ARGLU1: variants seen among roughly 807,000 people sequenced by gnomAD.
The protein encoded by ARGLU1 is arginine and glutamate-rich protein 1.
Under a neutral mutation model 37.6 loss-of-function variants are expected in ARGLU1, and 9 were observed. The observed-to-expected ratio is 0.24, with a 90% confidence interval of 0.14 to 0.42. The LOEUF is 0.42. Ranked by LOEUF, ARGLU1 falls within the 10% of genes least tolerant of loss-of-function variation. ARGLU1 has a pLI of 1.00. For synonymous variants in ARGLU1, 166 were observed against 138.5 expected (o/e 1.20, Z -1.39); for missense variants, 211 against 359.2 (o/e 0.59, Z 3.34).
In ARGLU1 at chr13:106,567,764, C is replaced by A; in HGVS notation, c.156G>T (p.Arg52=). Residue 52 remains arginine (R), a synonymous_variant, in exon 1 of 4, where the codon CGG becomes CGT. Coordinates refer to ENST00000400198, the MANE Select transcript of ARGLU1 (RefSeq NM_018011.4). This position sits in a 1 kb window ranked among gnomAD's most constrained non-coding sequence, Gnocchi z 4.3. ...KSRESKRNRR[R]ESRSRSRSTN... ...TGGAGCGCGAACGGGACCGCGACTC[C>A]CGCCGCCGGTTCCGTTTACTTTCCC... The A allele has an allele frequency of 2.5e-6, 4 of 1,612,880 alleles. No homozygotes were observed. Among genetic ancestry groups the A allele is most frequent in the Non-Finnish European group, 3.4e-6 (4 of 1,179,512 alleles).
At position 106,542,002 on chromosome 13, in the gene ARGLU1, G is replaced by A. The variant is rs1026087190; in HGVS notation, c.*1994C>T. 1.3e-5 allele frequency: 2 copies of A among 152,008 alleles called. No individual in the cohort carries two copies. Among genetic ancestry groups the A allele is most frequent in the Non-Finnish European group, 2.9e-5 (2 of 67,998 alleles). 9.4% of individuals were successfully genotyped at this position (152,008 alleles called of 1,614,324 possible). ...ATCCTCTTTCCCATAGCCTGGCAGAGGAAAGTAGTTACCAAGCACAGGAAC... is the reference window on the plus strand; with the variant it reads ...ATCCTCTTTCCCATAGCCTGGCAGAAGAAAGTAGTTACCAAGCACAGGAAC... On this transcript the variant is annotated 3_prime_UTR_variant, in exon 4 of 4. Coordinates refer to ENST00000400198, the MANE Select transcript of ARGLU1 (RefSeq NM_018011.4).
intron 3 of ARGLU1, 128 bp from the exon 4 acceptor site, chr13:106,544,288 AAAC>A (rs1286705340): frequency 1.5e-5 from 10 of 689,240 alleles, no homozygotes; most frequent in Non-Finnish European, 2.2e-5. Context: ...AAGGGGGTAA[AAAC>A]AAGGACTTCC....
At chr13:106,566,412 C>A (rs1226662544) in intron 1 of ARGLU1, among the ~76,000 whole-genome samples, 1 of 152,160 alleles carries the variant, frequency 6.6e-6, no homozygotes, top group Non-Finnish European at 1.5e-5. Context: ...ATACTCGCCT[C>A]GAGAAAATCA....
chr13:106,563,443 C>A (rs1017173871), intron 1 of ARGLU1, among the ~76,000 whole-genome samples: 1 of 152,200 alleles, frequency 6.6e-6, no homozygotes, highest in South Asian at 2.1e-4. Flanking sequence ...CCACCCTACA[C>A]CGGTTTCTGC....
chr13:106,550,505 T>C (rs190766582), intron 3 of ARGLU1, among the ~76,000 whole-genome samples: 148 of 152,362 alleles, frequency 9.7e-4, no homozygotes, highest in African/African-American at 3.5e-3. Context: ...ATTTGACATT[T>C]ACATTTGGTG....
chr13:106,567,598 C>T lies in ARGLU1; in HGVS notation c.322G>A (p.Ala108Thr). 2 of 1,613,088 alleles carry T rather than the reference C, an allele frequency of 1.2e-6. No individual in the cohort carries two copies. The highest frequency in any genetic ancestry group is 2.2e-5 in the East Asian group (1 of 44,760). Residue 108 changes from alanine to threonine, a missense_variant, in exon 1 of 4, where the codon GCG becomes ACG. Physicochemically the swap from Ala to Thr is moderately conservative, Grantham distance 58. Coordinates refer to ENST00000400198, the MANE Select transcript of ARGLU1 (RefSeq NM_018011.4). This position sits in a 1 kb window ranked among gnomAD's most constrained non-coding sequence, Gnocchi z 4.3. ...ATTTTTCGCTGCCGCTCGAACTCCG[C>T]TTTCTTCTCCTCCTCCTCTCGCTTC... ...KQKREEEEKK[A>T]EFERQRKIRQ...
chr13:106,551,122 G>T (rs1260146984), intron 3 of ARGLU1, among the ~76,000 whole-genome samples: 1 of 151,330 alleles, frequency 6.6e-6, no homozygotes, highest in African/African-American at 2.4e-5. Flanking sequence ...CAATACCCCT[G>T]GCCTTCTTTC....
chr13:106,551,326 GAA>G (rs1880525726), intron 3 of ARGLU1, among the ~76,000 whole-genome samples: 1 of 152,152 alleles, frequency 6.6e-6, no homozygotes. Flanking sequence ...AGCTAAATAT[GAA>G]AAAGTTTTAA....
rs111864527 is a variant in ARGLU1, at chr13:106,548,295, T to C, written c.658-4135A>G. On this transcript the variant is annotated intron_variant, in intron 3 of 3. Coordinates refer to ENST00000400198, the MANE Select transcript of ARGLU1 (RefSeq NM_018011.4). ...CACTTGTAAGTGTGGTATGACCCTA[T>C]ACCTTATTTGCTAGGTATTTTCCTA... Among the ~76,000 whole-genome samples the C allele has an allele frequency of 4.9e-3, 742 of 152,272 alleles. 11 individuals carry two copies. The highest frequency in any genetic ancestry group is 0.017 in the African/African-American group (689 of 41,552).
chr13:106,557,814 T>C lies in ARGLU1; in HGVS notation c.574-683A>G, dbSNP rs1880694651. 1.3e-5 allele frequency: 16 copies of C among 1,271,710 alleles called. No individual in the cohort carries two copies. The highest frequency in any genetic ancestry group is 1.6e-5 in the Non-Finnish European group (16 of 1,006,102). The allele number at this position is 1,271,710 out of a possible 1,614,324, so 78.8% of individuals were successfully genotyped here. ...ATTTACTGTTAGTGAAAAATACAAATGGTAATCCATACTTCATGGAACTAC... is the reference window on the plus strand; with the variant it reads ...ATTTACTGTTAGTGAAAAATACAAACGGTAATCCATACTTCATGGAACTAC... On this transcript the variant is annotated intron_variant, in intron 2 of 3. Coordinates refer to ENST00000400198, the MANE Select transcript of ARGLU1 (RefSeq NM_018011.4). This position sits in a 1 kb window ranked among gnomAD's most constrained non-coding sequence, Gnocchi z 5.0.
intron 3 of ARGLU1, among the ~76,000 whole-genome samples, chr13:106,545,945 A>C (rs977115445): frequency 1.3e-5 from 2 of 152,224 alleles, no homozygotes; most frequent in Admixed American, 6.5e-5. Context: ...TGGGAGACCT[A>C]GGACTTGCTT....
chr13:106,554,376 A>G (rs1376550914), intron 3 of ARGLU1, among the ~76,000 whole-genome samples: 1 of 152,172 alleles, frequency 6.6e-6, no homozygotes, highest in Admixed American at 6.5e-5. Context: ...AGTACTTTTA[A>G]TAGGAGTTTG....
At chr13:106,559,708 A>C (rs1566474553) in intron 1 of ARGLU1, 51 bp from the exon 2 acceptor site, 1 of 1,537,458 alleles carries the variant, frequency 6.5e-7, no homozygotes, top group Non-Finnish European at 8.7e-7. Flanking sequence ...TTAAAACTAT[A>C]AATTTAAACA....
chr13:106,548,751 T>G (rs1263183352), intron 3 of ARGLU1, among the ~76,000 whole-genome samples: 3 of 152,146 alleles, frequency 2.0e-5, no homozygotes, highest in Admixed American at 6.5e-5. Flanking sequence ...CCTATTTTAT[T>G]TATTTATTTA....
chr13:106,568,128 T>C lies in ARGLU1; in HGVS notation c.-209A>G, dbSNP rs952926899. ...CCCGTAGCGCCAGGCGCCCCTAAGA[T>C]GGCAGCTGCGGCTGCACCGGCCGCC... is the stretch of plus-strand genomic sequence containing the variant. On this transcript the variant is annotated 5_prime_UTR_variant, in exon 1 of 4. Transcript: ENST00000400198. 5.6e-6 allele frequency: 4 copies of C among 718,028 alleles called. No individual in the cohort carries two copies. The highest frequency in any genetic ancestry group is 3.3e-5 in the East Asian group (1 of 30,360). 44.5% of individuals were successfully genotyped at this position (718,028 alleles called of 1,614,324 possible).
chr13:106,562,990 CAAAAAAAAA>C (rs745494550), intron 1 of ARGLU1, among the ~76,000 whole-genome samples: 1 of 67,420 alleles, frequency 1.5e-5, no homozygotes, highest in Non-Finnish European at 2.8e-5. Context: ...GACCCTGTCT[CAAAAAAAAA>C]AAAAAAAAAC....
chr13:106,552,730 T>C (rs1880561209), intron 3 of ARGLU1, among the ~76,000 whole-genome samples: 1 of 152,248 alleles, frequency 6.6e-6, no homozygotes, highest in African/African-American at 2.4e-5. Context: ...TTTTCCATTG[T>C]ATTAACCCTT....
chr13:106,554,221 A>G (rs1880604073), intron 3 of ARGLU1, among the ~76,000 whole-genome samples: 1 of 152,218 alleles, frequency 6.6e-6, no homozygotes, highest in South Asian at 2.1e-4. Flanking sequence ...ATTATTTTAA[A>G]GCACTTAATG....
chr13:106,567,621 T>C lies in ARGLU1; in HGVS notation c.299A>G (p.Lys100Arg). The change falls in exon 1 of 4, where the codon AAG becomes AGG. Residue 100 changes from lysine (K) to arginine (R), a missense_variant. By Grantham distance (26) the Lys-to-Arg change is conservative. Around this residue, in one of 3 missense-constraint regions of ARGLU1, gnomAD observed 130 missense variants for 179.8 expected, o/e 0.72. Coordinates refer to ENST00000400198, the MANE Select transcript of ARGLU1 (RefSeq NM_018011.4). This position sits in a 1 kb window ranked among gnomAD's most constrained non-coding sequence, Gnocchi z 4.3. ...SKRSSLDEKQ[K>R]REEEEKKAEF... ...CGCTTTCTTCTCCTCCTCCTCTCGC[T>C]TCTGCTTCTCGTCCAGGCTGCTGCG... The C allele has an allele frequency of 2.5e-6, 4 of 1,613,512 alleles. No individual in the cohort carries two copies. The highest frequency in any genetic ancestry group is 3.4e-6 in the Non-Finnish European group (4 of 1,179,676).
Sources: allele counts gnomAD v4.1 joint callset (sites outside exome capture counted in the v4.1 genomes callset), GRCh38; gene constraint gnomAD v4.1.1; regional missense constraint gnomAD v4.1.1; non-coding constraint Gnocchi (gnomAD v3.1); transcripts MANE v1.5; gene names NCBI Gene and HGNC (gene_info 2026-07-23, HGNC 2026-07-21).